The following DKK2 variants were observed in gnomAD, a reference collection of about 807,000 sequenced individuals.
DKK2 encodes dickkopf-related protein 2.
In DKK2, 11 loss-of-function variants were observed where a neutral mutation model predicts 28.1. The observed-to-expected ratio is 0.39, with a 90% confidence interval of 0.25 to 0.65. DKK2 has a LOEUF of 0.65. Among genes scored for constraint, DKK2 ranks in the 30% least tolerant of loss-of-function variants. DKK2 has a pLI of 0.47. For synonymous variants in DKK2, 135 were observed against 126.5 expected, an observed-to-expected ratio of 1.07 and a Z score of -0.45; for missense variants, 326 against 335.5, an observed-to-expected ratio of 0.97 and a Z score of 0.22.
chr4:106,926,767 A>G (rs1349988179), intron 1 of DKK2, among the ~76,000 whole-genome samples: 1 of 152,120 alleles, frequency 6.6e-6, no homozygotes, highest in Non-Finnish European at 1.5e-5. Flanking sequence ...AGTGTCATAT[A>G]TTATCTTAAA....
chr4:106,953,142 C>T (rs1722512355), intron 1 of DKK2, among the ~76,000 whole-genome samples: 1 of 151,938 alleles, frequency 6.6e-6, no homozygotes, highest in African/African-American at 2.4e-5. Flanking sequence ...TGTGGTATTC[C>T]CATTTGTGTT....
chr4:106,977,282 G>A (rs886069294), intron 1 of DKK2, among the ~76,000 whole-genome samples: 35 of 152,212 alleles, frequency 2.3e-4, no homozygotes, highest in African/African-American at 6.7e-4. Flanking sequence ...TTGAATGTTG[G>A]CCTGTCTTGC....
intron 1 of DKK2, among the ~76,000 whole-genome samples, chr4:107,032,164 C>A (rs999552415): frequency 6.6e-6 from 1 of 151,908 alleles, no homozygotes; most frequent in East Asian, 1.9e-4. Context: ...AACATTGATG[C>A]GAATAATTCA....
chr4:106,986,194 G>A (rs573332144), intron 1 of DKK2, among the ~76,000 whole-genome samples: 53 of 152,194 alleles, frequency 3.5e-4, no homozygotes, highest in African/African-American at 1.1e-3. Context: ...GTATTTTGAC[G>A]CTAAATGGCC....
intron 1 of DKK2, among the ~76,000 whole-genome samples, chr4:107,008,028 A>C (rs1317959991): frequency 3.3e-5 from 5 of 152,180 alleles, no homozygotes; most frequent in Admixed American, 3.3e-4. Context: ...GTTTGATTCA[A>C]TGCCATTGCT....
chr4:106,958,594 G>T (rs1205216622), intron 1 of DKK2, among the ~76,000 whole-genome samples: 5 of 151,994 alleles, frequency 3.3e-5, no homozygotes, highest in African/African-American at 9.7e-5. Flanking sequence ...CCAGCAGTTT[G>T]AGAGGCCGTG....
intron 1 of DKK2, among the ~76,000 whole-genome samples, chr4:106,953,758 G>A (rs1722538934): frequency 6.6e-6 from 1 of 152,148 alleles, no homozygotes; most frequent in Non-Finnish European, 1.5e-5. Context: ...CAGAATCATA[G>A]GACATAGAGC....
chr4:106,969,727 T>C (rs1285301307), intron 1 of DKK2, among the ~76,000 whole-genome samples: 1 of 152,058 alleles, frequency 6.6e-6, no homozygotes, highest in Non-Finnish European at 1.5e-5. Flanking sequence ...AAAAACTCTT[T>C]GGAATTAACT....
intron 1 of DKK2, among the ~76,000 whole-genome samples, chr4:107,026,692 A>G (rs1305489461): frequency 6.6e-6 from 1 of 151,844 alleles, no homozygotes; most frequent in Non-Finnish European, 1.5e-5. Flanking sequence ...AGCTTTAATT[A>G]ATGTACAGGC....
intron 1 of DKK2, among the ~76,000 whole-genome samples, chr4:107,025,002 G>A (rs1013331964): frequency 6.6e-6 from 1 of 152,170 alleles, no homozygotes; most frequent in Admixed American, 6.5e-5. Flanking sequence ...AGTATCAAAT[G>A]TTTCATAGTT....
Position 106,936,170 on chromosome 4 carries a change from G to T in DKK2, c.223-10221C>A, listed in dbSNP as rs1397615499. Among the ~76,000 whole-genome samples the T allele has an allele frequency of 3.9e-5, 6 of 152,236 alleles. 1 individual carries two copies. Among genetic ancestry groups the T allele is most frequent in the African/African-American group, 1.4e-4 (6 of 41,542 alleles). On this transcript the variant is annotated intron_variant, in intron 1 of 3. Transcript: ENST00000285311. The stretch of plus-strand genomic sequence containing the variant: ...GCTTCAGACGATCAAATTACTTTGA[G>T]CTACGGGAGGACATTCAAACCAAAG...
At chr4:106,951,725 A>C (rs1724863615) in intron 1 of DKK2, among the ~76,000 whole-genome samples, 1 of 152,130 alleles carries the variant, frequency 6.6e-6, no homozygotes, top group Non-Finnish European at 1.5e-5. Context: ...TTAAACTCTA[A>C]CATTTTATTT....
At chr4:106,967,821 A>C (rs80212009) in intron 1 of DKK2, among the ~76,000 whole-genome samples, 1,589 of 151,252 alleles carry the variant, frequency 0.011, 34 homozygotes, top group African/African-American at 0.037. Context: ...AGGAAGAAAG[A>C]AAAAAAGGAA....
intron 1 of DKK2, among the ~76,000 whole-genome samples, chr4:106,939,690 A>G (rs1191863061): frequency 1.3e-5 from 2 of 152,126 alleles, no homozygotes; most frequent in African/African-American, 4.8e-5. Context: ...GAGGCATCAC[A>G]CTACCTGACT....
Position 107,027,756 on chromosome 4 carries a change from A to ATTTTTTTTTTTTTTTTTTTTTTT in DKK2, c.222+7613_222+7614insAAAAAAAAAAAAAAAAAAAAAAA, listed in dbSNP as rs71590176. ...TTGCTTATGACCTCCACCTATTATG[A>ATTTTTTTTTTTTTTTTTTTTTTT]TTTTTTTTTTTTTGAGACAGAGTCT... On this transcript the variant is annotated intron_variant, in intron 1 of 3. Transcript: ENST00000285311. Among the ~76,000 whole-genome samples, 36 of 135,304 alleles carry ATTTTTTTTTTTTTTTTTTTTTTT rather than the reference A, an allele frequency of 2.7e-4. 1 individual carries two copies. Among genetic ancestry groups the ATTTTTTTTTTTTTTTTTTTTTTT allele is most frequent in the African/African-American group, 9.1e-4 (33 of 36,342 alleles). 88.8% of individuals were successfully genotyped at this position (135,304 alleles called of 152,430 possible). A position where few individuals can be genotyped will look rare whatever the true frequency, so the allele number is the denominator to read the frequency against.
intron 1 of DKK2, among the ~76,000 whole-genome samples, chr4:106,949,280 G>A (rs1724824506): frequency 6.6e-6 from 1 of 152,072 alleles, no homozygotes; most frequent in Non-Finnish European, 1.5e-5. Flanking sequence ...CAATGACACT[G>A]GGACTAAATG....
intron 1 of DKK2, among the ~76,000 whole-genome samples, chr4:106,926,451 A>G (rs1233501512): frequency 1.3e-5 from 2 of 152,220 alleles, no homozygotes; most frequent in Non-Finnish European, 2.9e-5. Flanking sequence ...GAACCCTTTC[A>G]GTTCCTGCCT....
chr4:106,991,740 A>C (rs191095109), intron 1 of DKK2, among the ~76,000 whole-genome samples: 1 of 152,170 alleles, frequency 6.6e-6, no homozygotes, highest in Non-Finnish European at 1.5e-5. Context: ...AAAAACAGGC[A>C]TGCATGTATA....
intron 1 of DKK2, among the ~76,000 whole-genome samples, chr4:106,944,050 T>C (rs1560576990): frequency 6.6e-6 from 1 of 152,104 alleles, no homozygotes; most frequent in Non-Finnish European, 1.5e-5. Flanking sequence ...TATGAGGTGT[T>C]ATTGCAAAGG....
Sources: allele counts gnomAD v4.1 joint callset (sites outside exome capture counted in the v4.1 genomes callset), GRCh38; gene constraint gnomAD v4.1.1; transcripts MANE v1.5; gene names NCBI Gene and HGNC (gene_info 2026-07-23, HGNC 2026-07-21).